Variants in GPC6 observed in about 807,000 individuals in gnomAD.
GPC6 encodes the protein glypican 6, also known as glypican-6.
Under a neutral mutation model 55.2 loss-of-function variants are expected in GPC6, and 14 were observed. The ratio of observed to expected loss-of-function variants is 0.25; its 90% CI spans 0.17 to 0.40. The LOEUF is 0.40. Among genes scored for constraint, GPC6 ranks in the 10% least tolerant of loss-of-function variants. The probability of loss-of-function intolerance (pLI) is 1.00; values close to 1 mark genes in which losing one functional copy is unlikely to be tolerated. For missense variants in GPC6, 641 were observed against 708.5 expected, an observed-to-expected ratio of 0.90 and a Z score of 1.08; for synonymous variants, 278 against 259.6, an observed-to-expected ratio of 1.07 and a Z score of -0.68.
intron 2 of GPC6, among the ~76,000 whole-genome samples, chr13:93,669,350 G>C (rs926207639): frequency 2.6e-5 from 4 of 152,148 alleles, no homozygotes; most frequent in African/African-American, 7.2e-5. Flanking sequence ...TGAGAAACGG[G>C]AAGTCCAAGT....
At chr13:93,712,792 C>T (rs1883117063) in intron 2 of GPC6, among the ~76,000 whole-genome samples, 1 of 151,266 alleles carries the variant, frequency 6.6e-6, no homozygotes, top group African/African-American at 2.4e-5. Flanking sequence ...TACTTTTGCA[C>T]CAATCAAATA....
chr13:93,385,271 A>G (rs532288006), intron 1 of GPC6, among the ~76,000 whole-genome samples: 54 of 152,310 alleles, frequency 3.5e-4, no homozygotes, highest in African/African-American at 1.3e-3. Flanking sequence ...ACACCACTGG[A>G]GAAGGGGAAG....
At chr13:93,286,220 C>A (rs1566280229) in intron 1 of GPC6, among the ~76,000 whole-genome samples, 1 of 152,126 alleles carries the variant, frequency 6.6e-6, no homozygotes, top group African/African-American at 2.4e-5. Context: ...AGGGAAGCCT[C>A]TTATAAAACC....
intron 1 of GPC6, among the ~76,000 whole-genome samples, chr13:93,370,070 G>C (rs1420662682): frequency 1.3e-5 from 2 of 152,264 alleles, no homozygotes; most frequent in South Asian, 2.1e-4. Context: ...CCTGCCCAGA[G>C]TTTATGGGTA....
chr13:94,288,049 A>C (rs1892579250), intron 5 of GPC6, among the ~76,000 whole-genome samples: 1 of 152,116 alleles, frequency 6.6e-6, no homozygotes, highest in African/African-American at 2.4e-5. Context: ...TTGGGAATCC[A>C]TGTGGAAGAC....
chr13:93,516,199 A>G (rs1414588458), intron 1 of GPC6, among the ~76,000 whole-genome samples: 1 of 152,200 alleles, frequency 6.6e-6, no homozygotes, highest in Non-Finnish European at 1.5e-5. Context: ...AAAGGTTCAC[A>G]TCAAAAGAGA....
At chr13:93,783,300 T>A (rs1885714951) in intron 2 of GPC6, among the ~76,000 whole-genome samples, 1 of 152,206 alleles carries the variant, frequency 6.6e-6, no homozygotes, top group Non-Finnish European at 1.5e-5. Flanking sequence ...TCTATCGTTA[T>A]AATAGAATGA....
intron 2 of GPC6, among the ~76,000 whole-genome samples, chr13:93,603,245 C>T (rs1457200930): frequency 6.6e-6 from 1 of 152,086 alleles, no homozygotes; most frequent in Non-Finnish European, 1.5e-5. Flanking sequence ...TAAATTCAAG[C>T]GATCTGCCCA....
At chr13:93,343,493 C>A (rs1466336648) in intron 1 of GPC6, among the ~76,000 whole-genome samples, 1 of 152,164 alleles carries the variant, frequency 6.6e-6, no homozygotes, top group African/African-American at 2.4e-5. Flanking sequence ...AGCCATTATT[C>A]TAGAACTGTT....
chr13:94,055,021 C>G (rs1245176619), intron 4 of GPC6, among the ~76,000 whole-genome samples: 2 of 152,138 alleles, frequency 1.3e-5, no homozygotes, highest in Admixed American at 6.5e-5. Context: ...GTAATAATTA[C>G]CATGTGTCTC....
intron 3 of GPC6, among the ~76,000 whole-genome samples, chr13:93,978,990 G>A (rs530666176): frequency 6.6e-4 from 100 of 152,192 alleles, no homozygotes; most frequent in African/African-American, 2.2e-3. Context: ...TGTGAACCAC[G>A]AGATAAATCT....
intron 2 of GPC6, among the ~76,000 whole-genome samples, chr13:93,794,580 A>G (rs1212521163): frequency 2.0e-5 from 3 of 152,208 alleles, no homozygotes; most frequent in Non-Finnish European, 2.9e-5. Context: ...GGGGGGAAAA[A>G]GAAAGAGTTG....
chr13:93,994,137 A>C (rs1881433786), intron 3 of GPC6, among the ~76,000 whole-genome samples: 1 of 152,132 alleles, frequency 6.6e-6, no homozygotes, highest in African/African-American at 2.4e-5. Context: ...AATATAAATA[A>C]ATTATAATTT....
intron 3 of GPC6, among the ~76,000 whole-genome samples, chr13:93,857,934 G>T (rs972434299): frequency 6.6e-6 from 1 of 151,504 alleles, no homozygotes; most frequent in Non-Finnish European, 1.5e-5. Context: ...GAAGAGGAAA[G>T]AACTGAATTG....
chr13:94,402,674 T>G (rs1452798764), intron 8 of GPC6, among the ~76,000 whole-genome samples: 3 of 152,172 alleles, frequency 2.0e-5, no homozygotes, highest in Non-Finnish European at 4.4e-5. Flanking sequence ...AGTGGTTAAT[T>G]AACTCACAGT....
intron 6 of GPC6, among the ~76,000 whole-genome samples, chr13:94,307,010 G>C (rs928167615): frequency 1.1e-4 from 17 of 152,146 alleles, no homozygotes; most frequent in African/African-American, 4.1e-4. Flanking sequence ...TGCCAGTTAT[G>C]AAAATACTTT....
intron 6 of GPC6, among the ~76,000 whole-genome samples, chr13:94,307,146 A>G (rs1238350106): frequency 6.6e-6 from 1 of 152,204 alleles, no homozygotes; most frequent in Non-Finnish European, 1.5e-5. Context: ...CTGTCTATAA[A>G]AATCAAATGT....
chr13:93,935,630 AC>A (rs1363706005), intron 3 of GPC6, among the ~76,000 whole-genome samples: 1 of 152,210 alleles, frequency 6.6e-6, no homozygotes, highest in African/African-American at 2.4e-5. Context: ...GTTTAAAATT[AC>A]ATACGCAATT....
intron 4 of GPC6, among the ~76,000 whole-genome samples, chr13:94,202,326 G>T (rs985643702): frequency 6.6e-6 from 1 of 152,194 alleles, no homozygotes; most frequent in South Asian, 2.1e-4. Context: ...TGCTGATAAA[G>T]ACATACCTGA....
Sources: allele counts gnomAD v4.1 joint callset (sites outside exome capture counted in the v4.1 genomes callset), GRCh38; gene constraint gnomAD v4.1.1; transcripts MANE v1.5; gene names NCBI Gene and HGNC (gene_info 2026-07-23, HGNC 2026-07-21).